CAPN12: variants seen among roughly 807,000 people sequenced by gnomAD.
The protein encoded by CAPN12 is calpain-12.
A neutral mutation model predicts 95.0 loss-of-function variants in CAPN12; 107 were observed. The observed-to-expected ratio is 1.13, with a 90% CI of 0.96 to 1.32. The LOEUF (loss-of-function observed/expected upper bound fraction) is 1.32. Among genes scored for constraint, CAPN12 ranks in the 40% most tolerant of loss-of-function variants. The pLI is 0.00. For synonymous variants in CAPN12, 505 were observed against 415.5 expected (o/e 1.22, Z -2.62); for missense variants, 1,136 against 997.8 (o/e 1.14, Z -1.87).
chr19:38,734,007 C>A (rs542227300), intron 17 of CAPN12, 135 bp downstream of exon 17: 3 of 993,928 alleles, frequency 3.0e-6, no homozygotes, highest in South Asian at 3.2e-5. Context: ...CAGGGATATC[C>A]CAGCCAGATC....
rs752060896 is a variant in CAPN12 at position 38,742,419 on chromosome 19, G to A, written c.417C>T (p.Phe139=). The A allele has an allele frequency of 8.7e-6, 14 of 1,612,426 alleles. No individual in the cohort carries two copies. The Admixed American group carries it at 2.3e-4, about 27-fold the overall frequency. The change falls in exon 3 of 21, where the codon TTC becomes TTT. Residue 139 remains phenylalanine, a synonymous_variant. Transcript: ENST00000328867. ...QDFQHGYAGV[F]HFQLWQFGRW... ...AGGAACTGAGCTGTACCTGGAAGTG[G>A]AAGACGCCTGCGTAGCCATGCTGGA... is the stretch of plus-strand genomic sequence containing the variant.
chr19:38,730,910 G>C (rs1469262188), intron 20 of CAPN12, 32 bp from the exon 21 acceptor site: 3 of 1,550,610 alleles, frequency 1.9e-6, no homozygotes. Context: ...GTGGCTTGAG[G>C]CAGGGAGCTC....
intron 10 of CAPN12, 41 bp from the exon 11 acceptor site, chr19:38,736,604 G>GAGGGGCATCGGGGCAGGGGAGAGAGGGGC (rs771516755): frequency 6.4e-7 from 1 of 1,567,440 alleles, no homozygotes; most frequent in African/African-American, 1.4e-5. Context: ...GCAGGGGAGA[G>GAGGGGCATCGGGGCAGGGGAGAGAGGGGC]GTGGCCGCCG....
At chr19:38,742,592 C>T (rs2145270856) in intron 2 of CAPN12, 64 bp from the exon 3 acceptor site, 2 of 1,137,758 alleles carry the variant, frequency 1.8e-6, no homozygotes, top group South Asian at 1.4e-5. Flanking sequence ...GTGGCTCATG[C>T]CTCTAATCCC....
In CAPN12 at chr19:38,743,063, T is replaced by C. The variant is rs1568328418; in HGVS notation, c.277A>G (p.Ser93Gly). 3 of 1,613,978 alleles carry C rather than the reference T, an allele frequency of 1.9e-6. No individual in the cohort carries two copies. Among genetic ancestry groups the C allele is most frequent in the Non-Finnish European group, 2.5e-6 (3 of 1,179,958 alleles). The change falls in exon 2 of 21, where the codon AGC (serine) becomes GGC (glycine). Residue 93 changes from serine to glycine, a missense_variant. Physicochemically the swap from Ser to Gly is moderately conservative, Grantham distance 56. Coordinates refer to ENST00000328867, the MANE Select transcript of CAPN12 (RefSeq NM_144691.4). Reference protein sequence around the residue: ...AEPKFICEDMSRTDVCQGSLG... With the variant: ...AEPKFICEDMGRTDVCQGSLG... Reference sequence around the variant, plus strand: ...CTCCCCTGACACACGTCTGTGCGGCTCATGTCTTCACAGATGAACTTCGGC... The same window carrying C: ...CTCCCCTGACACACGTCTGTGCGGCCCATGTCTTCACAGATGAACTTCGGC...
At chr19:38,739,710 C>CT (rs58154433) in intron 5 of CAPN12, 7,081 of 151,506 alleles carry the variant, frequency 0.047, 322 homozygotes, top group East Asian at 0.17. Context: ...GAAAGAGGCA[C>CT]TTTTTTTTTT....
intron 1 of CAPN12, 46 bp downstream of exon 1, chr19:38,743,883 C>T (rs776958360): frequency 1.3e-6 from 2 of 1,581,314 alleles, no homozygotes; most frequent in South Asian, 1.1e-5. Context: ...TGCCTCCAGC[C>T]CCTCCTCCCT....
Position 38,731,043 on chromosome 19 carries a change from G to T in CAPN12, c.2075-20C>A, listed in dbSNP as rs1485861876. 9 of 1,557,646 alleles carry T rather than the reference G, an allele frequency of 5.8e-6. No individual in the cohort carries two copies. The East Asian group carries it at 7.3e-5, about 13-fold the overall frequency. On this transcript the variant is annotated intron_variant, in intron 19 of 20. Transcript: ENST00000328867. ...AGTGGCCTGTGCAGAGAGGGGCAGG[G>T]TGAGTGCCCACCAGTCCCCGTACCC...
chr19:38,733,322 G>A (rs776963155), intron 18 of CAPN12: 43 of 197,954 alleles, frequency 2.2e-4, no homozygotes, highest in Non-Finnish European at 3.9e-4. Flanking sequence ...GCCCCTCCTG[G>A]AGTCAGTAGA....
intron 8 of CAPN12, among the ~76,000 whole-genome samples, chr19:38,737,839 G>A (rs539128393): frequency 1.3e-5 from 2 of 152,086 alleles, no homozygotes; most frequent in Admixed American, 1.3e-4. Context: ...CCCACAAATC[G>A]CCAAGATTCA....
Position 38,738,310 on chromosome 19 carries a change from C to A in CAPN12, c.928G>T (p.Asp310Tyr), listed in dbSNP as rs139134484. 1 of 1,612,092 alleles carries A rather than the reference C, an allele frequency of 6.2e-7. No individual in the cohort carries two copies. The highest frequency in any genetic ancestry group is 1.1e-5 in the South Asian group (1 of 90,996). The part of the protein sequence containing the change: ...RWDTLPTECR[D>Y]ALLVKKEDGE... ...TCCTCCTTTTTCACCAGCAGGGCATCGCGGCACTCGGTGGGGAGTGTGTCC... is the reference window on the plus strand; with the variant it reads ...TCCTCCTTTTTCACCAGCAGGGCATAGCGGCACTCGGTGGGGAGTGTGTCC... The change falls in exon 8 of 21, where the codon GAT becomes TAT. Residue 310 changes from aspartate to tyrosine, a missense_variant. Physicochemically the swap from Asp to Tyr is radical, Grantham distance 160. Transcript: ENST00000328867.
rs756314001 is a variant in CAPN12 at position 38,730,692 on chromosome 19, G to A, written c.*160C>T. Reference sequence around the variant, plus strand: ...GTTCTTGTTTCTGAGTGAGGAGTACGCAGGCCAGAGTGGTCACCCGGCCGT... The same window carrying A: ...GTTCTTGTTTCTGAGTGAGGAGTACACAGGCCAGAGTGGTCACCCGGCCGT... On this transcript the variant is annotated 3_prime_UTR_variant, in exon 21 of 21. Coordinates refer to ENST00000328867, the MANE Select transcript of CAPN12 (RefSeq NM_144691.4). 3.1e-5 allele frequency: 24 copies of A among 785,194 alleles called. No homozygotes were observed. Among genetic ancestry groups the A allele is most frequent in the African/African-American group, 1.2e-4 (7 of 58,390 alleles). The allele number at this position is 785,194 out of a possible 1,614,324, so 48.6% of individuals were successfully genotyped here. A position where few individuals can be genotyped will look rare whatever the true frequency, so the allele number is the denominator to read the frequency against.
Position 38,736,110 on chromosome 19 carries a change from A to G in CAPN12, c.1583T>C (p.Val528Ala). Residue 528 changes from valine (V) to alanine (A), a missense_variant and splice_region_variant, in exon 12 of 21, where the codon GTG (valine) becomes GCG (alanine). Val to Ala is a moderately conservative substitution (Grantham distance 64). Transcript: ENST00000328867. ...TCGGATTTGGGTGCCCGGGGCTCACACGGCCGTGTGGCGGCGCTCGGAGAA... is the reference window on the plus strand; with the variant it reads ...TCGGATTTGGGTGCCCGGGGCTCACGCGGCCGTGTGGCGGCGCTCGGAGAA... ...RVFSERRHTA[V>A]EIDDVISADL... 1 of 1,491,016 alleles carries G rather than the reference A, an allele frequency of 6.7e-7. No homozygotes were observed. The allele number at this position is 1,491,016 out of a possible 1,614,324, so 92.4% of individuals were successfully genotyped here.
At chr19:38,742,833 AGAGT>A (rs1362189476) in intron 2 of CAPN12, among the ~76,000 whole-genome samples, 196 bp downstream of exon 2, 1 of 127,860 alleles carries the variant, frequency 7.8e-6, no homozygotes, top group African/African-American at 2.8e-5. Context: ...AATGGGTGAC[AGAGT>A]GAGACCCCAT....
chr19:38,741,968 C>T, intron 3 of CAPN12, 58 bp from the exon 4 acceptor site: 2 of 1,589,364 alleles, frequency 1.3e-6, no homozygotes, highest in East Asian at 4.6e-5. Flanking sequence ...CTGCCTGGGC[C>T]CTGCCTCTGC....
chr19:38,735,178 G>C (rs563540101), intron 14 of CAPN12, 192 bp downstream of exon 14: 3 of 621,984 alleles, frequency 4.8e-6, no homozygotes, highest in Non-Finnish European at 8.4e-6. Context: ...TCCTGGGAGA[G>C]GGTATGGACT....
chr19:38,733,634 G>T (rs1969794672), intron 18 of CAPN12, 69 bp downstream of exon 18: 2 of 1,376,670 alleles, frequency 1.5e-6, no homozygotes, highest in African/African-American at 1.4e-5. Flanking sequence ...TGAGCAGGGG[G>T]ACTTGGAGAC....
chr19:38,742,328 CAA>C (rs35341175), intron 3 of CAPN12, 80 bp downstream of exon 3: 6,522 of 797,936 alleles, frequency 8.2e-3, no homozygotes, highest in Non-Finnish European at 8.8e-3. Context: ...GATTCCATCT[CAA>C]AAAAAAAAAA....
chr19:38,742,452 T>G lies in CAPN12; in HGVS notation c.384A>C (p.Gly128=). Residue 128 remains glycine (G), a synonymous_variant, in exon 3 of 21, where the codon GGA becomes GGC. Coordinates refer to ENST00000328867, the MANE Select transcript of CAPN12 (RefSeq NM_144691.4). ...CTGCGTAGCCATGCTGGAAATCCTG[T>G]CCAGGAGGGACCACCCGGCGCAGGA... ...PRLLRRVVPP[G]QDFQHGYAGV... 6.2e-7 allele frequency: 1 copy of G among 1,613,892 alleles called. No individual in the cohort carries two copies. Among genetic ancestry groups the G allele is most frequent in the Non-Finnish European group, 8.5e-7 (1 of 1,179,938 alleles).
Sources: gnomAD v4.1 joint callset for allele counts (sites outside exome capture counted in the v4.1 genomes callset) on GRCh38, gnomAD v4.1.1 for gene constraint, MANE v1.5 for transcripts, NCBI Gene and HGNC (gene_info 2026-07-23, HGNC 2026-07-21) for gene names.